Variants in PLEKHD1 observed in about 807,000 individuals in gnomAD.
The protein encoded by PLEKHD1 is pleckstrin homology domain-containing family D member 1.
PLEKHD1 carries 51 observed loss-of-function variants against 69.2 expected under a neutral mutation model. The observed-to-expected ratio is 0.74, with a 90% CI of 0.59 to 0.93. The LOEUF (loss-of-function observed/expected upper bound fraction) is 0.93, where lower values mean the gene tolerates loss of function less well. Ranked by LOEUF, PLEKHD1 falls within the 40% of genes least tolerant of loss-of-function variation. The pLI is 0.00. For missense variants in PLEKHD1, 584 were observed against 641.0 expected (o/e 0.91, Z 0.96); for synonymous variants, 236 against 244.7 (o/e 0.96, Z 0.33).
chr14:69,471,090 C>CT, the PLEKHD1 span, among the ~76,000 whole-genome samples: 380 of 44,752 alleles, frequency 8.5e-3, 78 homozygotes, highest in African/African-American at 0.012. Context: ...CGTGCCTGGC[C>CT]TTTTTTTTTT....
chr14:69,525,870 G>A lies in PLEKHD1; in HGVS notation c.745-74G>A, dbSNP rs1018283300. The A allele has an allele frequency of 2.3e-5, 32 of 1,412,768 alleles. No homozygotes were observed. The South Asian group carries it at 4.4e-4, about 19-fold the overall frequency. The allele number at this position is 1,412,768 out of a possible 1,614,324, so 87.5% of individuals were successfully genotyped here. A position where few individuals can be genotyped will look rare whatever the true frequency, so the allele number is the denominator to read the frequency against. On this transcript the variant is annotated intron_variant, in intron 8 of 12. Transcript: ENST00000322564. ...GAGGAGTGGGTCACTCCCCCAAACG[G>A]AAAAGCAGGTGAGGGCAGCCACGAT...
At chr14:69,512,599 A>G (rs1037629660) in intron 6 of PLEKHD1, among the ~76,000 whole-genome samples, 3 of 152,124 alleles carry the variant, frequency 2.0e-5, no homozygotes, top group Admixed American at 1.3e-4. Flanking sequence ...CATTTAGTTC[A>G]AAGTATCTTT....
In PLEKHD1 at chr14:69,495,958, G is replaced by A. The variant is rs148387596; in HGVS notation, c.150-4157G>A. The stretch of plus-strand genomic sequence containing the variant: ...AAGTAGTGTAAGCTCTAAGGAGACA[G>A]GGATTTTTGTCTGTCTTGTTCACAA... On this transcript the variant is annotated intron_variant, in intron 1 of 12. Transcript: ENST00000322564. Among the ~76,000 whole-genome samples the A allele has an allele frequency of 6.8e-3, 1,031 of 152,340 alleles. 37 individuals carry two copies. Among genetic ancestry groups the A allele is most frequent in the Admixed American group, 0.048 (733 of 15,298 alleles).
chr14:69,520,003 C>T (rs1228918843), intron 6 of PLEKHD1, among the ~76,000 whole-genome samples: 2 of 151,616 alleles, frequency 1.3e-5, no homozygotes, highest in African/African-American at 2.4e-5. Context: ...CTGAACTCTA[C>T]TAAAAATGCA....
intron 5 of PLEKHD1, chr14:69,502,557 A>G (rs923741406): frequency 6.3e-6 from 3 of 475,110 alleles, no homozygotes; most frequent in African/African-American, 5.9e-5. Context: ...CAGGTGCAGC[A>G]GGCCTGGGGG....
chr14:69,485,794 T>C (rs971814134), intron 1 of PLEKHD1, among the ~76,000 whole-genome samples: 7 of 152,160 alleles, frequency 4.6e-5, no homozygotes, highest in African/African-American at 1.7e-4. Flanking sequence ...GATAGATTGG[T>C]TCTGCCAAGG....
chr14:69,502,502 CTAGCCAGACAT>C, intron 5 of PLEKHD1: 1 of 365,902 alleles, frequency 2.7e-6, no homozygotes, highest in Non-Finnish European at 5.2e-6. Context: ...GCCCTCCTTA[CTAGCCAGACAT>C]TAGTGCAGGT....
At chr14:69,493,869 A>G (rs1378635596) in intron 1 of PLEKHD1, among the ~76,000 whole-genome samples, 1 of 152,254 alleles carries the variant, frequency 6.6e-6, no homozygotes, top group African/African-American at 2.4e-5. Flanking sequence ...GAAAAGGGCC[A>G]GAGCTGATGG....
In PLEKHD1 at chr14:69,528,674, T is replaced by C; in HGVS notation, c.*255T>C. 1.8e-6 allele frequency: 1 copy of C among 542,254 alleles called. No individual in the cohort carries two copies. The highest frequency in any genetic ancestry group is 3.2e-5 in the Admixed American group (1 of 31,382). 33.6% of individuals were successfully genotyped at this position (542,254 alleles called of 1,614,324 possible). ...GGCCTGAGCTGGGTGCTGGTTGTCA[T>C]GGTGAGGTGAGGACAGGACCTGGTT... On this transcript the variant is annotated 3_prime_UTR_variant, in exon 13 of 13. Transcript: ENST00000322564.
At chr14:69,514,290 G>A (rs1172912167) in intron 6 of PLEKHD1, among the ~76,000 whole-genome samples, 2 of 148,780 alleles carry the variant, frequency 1.3e-5, no homozygotes, top group African/African-American at 5.0e-5. Flanking sequence ...TTGCTTTTCA[G>A]TTTTGGAAAT....
chr14:69,500,072 C>A (rs1882988251), intron 1 of PLEKHD1, 43 bp from the exon 2 acceptor site: 2 of 1,388,460 alleles, frequency 1.4e-6, no homozygotes, highest in African/African-American at 2.9e-5. Flanking sequence ...AAACCTCACC[C>A]CTTCTCTCCT....
intron 5 of PLEKHD1, 196 bp from the exon 6 acceptor site, chr14:69,502,630 CA>C (rs1460147705): frequency 9.8e-6 from 6 of 611,494 alleles, no homozygotes; most frequent in African/African-American, 2.0e-5. Flanking sequence ...AAAGAAAAAG[CA>C]GGATGATGAT....
chr14:69,507,406 C>A (rs1341264763), intron 6 of PLEKHD1, among the ~76,000 whole-genome samples: 2 of 152,168 alleles, frequency 1.3e-5, no homozygotes, highest in African/African-American at 4.8e-5. Context: ...TATCCCTCTC[C>A]CTACTTAAGG....
chr14:69,495,935 G>A (rs1882879312), intron 1 of PLEKHD1, among the ~76,000 whole-genome samples: 1 of 152,228 alleles, frequency 6.6e-6, no homozygotes, highest in African/African-American at 2.4e-5. Context: ...CTACATGCAA[G>A]TAGTGTAAGC....
chr14:69,525,617 G>T (rs1391308550), intron 8 of PLEKHD1, among the ~76,000 whole-genome samples: 1 of 152,022 alleles, frequency 6.6e-6, no homozygotes, highest in South Asian at 2.1e-4. Context: ...GTTCCTGTTG[G>T]GTGTTTTTCA....
upstream of PLEKHD1, among the ~76,000 whole-genome samples, chr14:69,483,874 GC>G (rs1308985438): frequency 6.6e-6 from 1 of 152,234 alleles, no homozygotes; most frequent in Non-Finnish European, 1.5e-5. Flanking sequence ...CTGGGGCCCG[GC>G]CGGCATCTCC....
upstream of PLEKHD1, among the ~76,000 whole-genome samples, chr14:69,482,700 C>CCTGCAACT (rs1473948238): frequency 6.6e-6 from 1 of 152,092 alleles, no homozygotes; most frequent in Non-Finnish European, 1.5e-5. Flanking sequence ...ACATTTGTTA[C>CCTGCAACT]CTGCAACTCA....
chr14:69,509,260 GTCCTTTA>G (rs1218850263), intron 6 of PLEKHD1, among the ~76,000 whole-genome samples: 2 of 152,122 alleles, frequency 1.3e-5, no homozygotes, highest in Non-Finnish European at 2.9e-5. Context: ...TTGCATAACA[GTCCTTTA>G]TTAGATGTGT....
At chr14:69,502,026 A>G (rs993810843) in intron 5 of PLEKHD1, 1 of 491,270 alleles carries the variant, frequency 2.0e-6, no homozygotes, top group African/African-American at 1.9e-5. Context: ...GGAGCGTCTG[A>G]TGGTTAAGAG....
Sources: gnomAD v4.1 joint callset for allele counts (sites outside exome capture counted in the v4.1 genomes callset) on GRCh38, gnomAD v4.1.1 for gene constraint, MANE v1.5 for transcripts, NCBI Gene and HGNC (gene_info 2026-07-23, HGNC 2026-07-21) for gene names.